Variants in SEMA4B observed in about 807,000 individuals in gnomAD.
SEMA4B encodes the protein semaphorin-4B.
A neutral mutation model predicts 88.1 loss-of-function variants in SEMA4B; 55 were observed. The observed-to-expected ratio is 0.62, with a 90% CI of 0.50 to 0.78. The LOEUF (loss-of-function observed/expected upper bound fraction) is 0.78, where lower values mean the gene tolerates loss of function less well. Ranked by LOEUF, SEMA4B falls within the 30% of genes least tolerant of loss-of-function variation. The pLI is 0.00. For synonymous variants in SEMA4B, 525 were observed against 473.6 expected, an observed-to-expected ratio of 1.11 and a Z score of -1.41; for missense variants, 1,062 against 1,111.9, an observed-to-expected ratio of 0.96 and a Z score of 0.64.
In SEMA4B at chr15:90,228,419, G is replaced by A. The variant is rs1385708232; in HGVS notation, c.2290G>A (p.Val764Met). 2 of 1,605,668 alleles carry A rather than the reference G, an allele frequency of 1.2e-6. No homozygotes were observed. The highest frequency in any genetic ancestry group is 1.7e-6 in the Non-Finnish European group (2 of 1,175,938). The change falls in exon 14 of 14, where the codon GTG becomes ATG. Residue 764 changes from valine to methionine, a missense_variant. Physicochemically the swap from Val to Met is conservative, Grantham distance 21. Coordinates refer to ENST00000411539, the MANE Select transcript of SEMA4B (RefSeq NM_198925.4). ...CGTGCACCCCAAGACCTGCCCTGTG[G>A]TGCTGCCCCCTGAGACCCGCCCACT... ...ASVHPKTCPV[V>M]LPPETRPLNG...
chr15:90,185,042 CG>C (rs1960123014), exon 1 of SEMA4B: 1 of 985,294 alleles, frequency 1.0e-6, no homozygotes, highest in Non-Finnish European at 1.2e-6. Flanking sequence ...AGCGGCCCCG[CG>C]GGGGGCGATG....
rs1961312772 is a variant in SEMA4B at position 90,212,392 on chromosome 15, C to G, written c.158-5047C>G. 2.0e-5 allele frequency among the ~76,000 whole-genome samples: 3 copies of G among 152,130 alleles called. No individual in the cohort carries two copies. Among genetic ancestry groups the G allele is most frequent in the Non-Finnish European group, 4.4e-5 (3 of 68,014 alleles). ...TGAATGGGAAAACCGGCCGCAGCCT[C>G]GGCGTGCCCTGCTTTCTTCATACTG... is the stretch of plus-strand genomic sequence containing the variant. On this transcript the variant is annotated intron_variant, in intron 1 of 13. Coordinates refer to ENST00000411539, the MANE Select transcript of SEMA4B (RefSeq NM_198925.4). The surrounding 1 kb of genome is among the most constrained non-coding windows in gnomAD (Gnocchi z 4.0).
intron 1 of SEMA4B, among the ~76,000 whole-genome samples, chr15:90,203,491 G>C (rs978975021): frequency 6.6e-6 from 1 of 152,200 alleles, no homozygotes; most frequent in African/African-American, 2.4e-5. Flanking sequence ...CTCTGGAACT[G>C]GATGGGACAA....
rs751727259 is a variant in SEMA4B, at chr15:90,220,967, TC to T, written c.484-13del. 1.3e-6 allele frequency: 2 copies of T among 1,561,638 alleles called. No homozygotes were observed. ...CCTGGAGTGCCCCTGAGCCCATGTG[TC>T]CACCCTCCTGCAGAACATGGAGAAC... On this transcript the variant is annotated splice_polypyrimidine_tract_variant and intron_variant, in intron 4 of 13. Transcript: ENST00000411539.
chr15:90,193,901 G>A (rs1960420462), intron 1 of SEMA4B, among the ~76,000 whole-genome samples: 3 of 151,600 alleles, frequency 2.0e-5, no homozygotes, highest in Admixed American at 2.0e-4. Context: ...GCCCAGGCTG[G>A]AGCACAGTGG....
chr15:90,211,262 C>T (rs1178338982), intron 1 of SEMA4B, among the ~76,000 whole-genome samples: 1 of 152,196 alleles, frequency 6.6e-6, no homozygotes. Context: ...TAGGTCGGGA[C>T]TGGGACTGCC....
Position 90,221,140 on chromosome 15 carries a change from C to T in SEMA4B, c.595+47C>T, listed in dbSNP as rs77809173. The T allele has an allele frequency of 9.0e-5, 123 of 1,364,146 alleles. 1 individual carries two copies. The East Asian group carries it at 3.0e-3, about 33-fold the overall frequency. 84.5% of individuals were successfully genotyped at this position (1,364,146 alleles called of 1,614,324 possible). On this transcript the variant is annotated intron_variant, in intron 5 of 13. Coordinates refer to ENST00000411539, the MANE Select transcript of SEMA4B (RefSeq NM_198925.4). ...GCTTCATTGAGGTTCCATGTAGGGG[C>T]ACACAGGGCTAGAGGGCTAGCTTTG...
Position 90,225,825 on chromosome 15 carries a change from C to T in SEMA4B, c.1686C>T (p.Thr562=), listed in dbSNP as rs1286130137. Residue 562 remains threonine, a splice_region_variant and synonymous_variant, in exon 12 of 14, where the codon ACC becomes ACT. Coordinates refer to ENST00000411539, the MANE Select transcript of SEMA4B (RefSeq NM_198925.4). Reference sequence around the variant, plus strand: ...GCCTCTACCAGCCTCAGCTGGCCACCAGGTGAGCACTCCCAAAGGCCCCTT... The same window carrying T: ...GCCTCTACCAGCCTCAGCTGGCCACTAGGTGAGCACTCCCAAAGGCCCCTT... ...HVSLYQPQLA[T]RPWIQDIEGA... is the part of the protein sequence containing the mutation. 3 of 1,522,398 alleles carry T rather than the reference C, an allele frequency of 2.0e-6. No homozygotes were observed. Among genetic ancestry groups the T allele is most frequent in the Admixed American group, 3.8e-5 (2 of 52,176 alleles). The allele number at this position is 1,522,398 out of a possible 1,614,324, so 94.3% of individuals were successfully genotyped here. A position where few individuals can be genotyped will look rare whatever the true frequency, so the allele number is the denominator to read the frequency against.
At chr15:90,220,605 G>A (rs1961773168) in intron 4 of SEMA4B, among the ~76,000 whole-genome samples, 1 of 151,764 alleles carries the variant, frequency 6.6e-6, no homozygotes, top group South Asian at 2.1e-4. Flanking sequence ...TCCTGACCTC[G>A]TGATCCACCC....
rs1961541863 is a variant in SEMA4B at position 90,216,561 on chromosome 15, T to C, written c.158-878T>C. 2.0e-5 allele frequency among the ~76,000 whole-genome samples: 3 copies of C among 152,144 alleles called. No individual in the cohort carries two copies. In the South Asian group the frequency reaches 6.2e-4, roughly 31 times the overall value. On this transcript the variant is annotated intron_variant, in intron 1 of 13. Coordinates refer to ENST00000411539, the MANE Select transcript of SEMA4B (RefSeq NM_198925.4). Reference sequence around the variant, plus strand: ...AGGTCAAAATTGAAAACACTCCCATTCTGTGTAATAACCATCAGTCTCAAA... The same window carrying C: ...AGGTCAAAATTGAAAACACTCCCATCCTGTGTAATAACCATCAGTCTCAAA...
chr15:90,216,304 A>G (rs776426163), intron 1 of SEMA4B, among the ~76,000 whole-genome samples: 4 of 151,874 alleles, frequency 2.6e-5, no homozygotes, highest in Non-Finnish European at 5.9e-5. Context: ...TACTTACACC[A>G]CTATTTCTTG....
At chr15:90,213,593 GGC>G (rs1961378126) in intron 1 of SEMA4B, among the ~76,000 whole-genome samples, 1 of 152,238 alleles carries the variant, frequency 6.6e-6, no homozygotes, top group Admixed American at 6.5e-5. Context: ...CCTTCTCCCA[GGC>G]GTAAGTGGGA....
upstream of SEMA4B, among the ~76,000 whole-genome samples, chr15:90,197,224 C>T (rs57843806): frequency 6.6e-6 from 1 of 151,726 alleles, no homozygotes; most frequent in Admixed American, 6.6e-5. Context: ...CCTTTCTCTA[C>T]AAAAAAATTA....
Position 90,201,472 on chromosome 15 carries a change from G to A in SEMA4B, c.-107G>A. ...CCGCCCCCCAGGTCCGGAGGCGGGG[G>A]CCCCCGGGGCGACTCGGGGGCGGAC... On this transcript the variant is annotated 5_prime_UTR_variant, in exon 1 of 14. Transcript: ENST00000411539. 7.7e-6 allele frequency: 10 copies of A among 1,306,460 alleles called. No homozygotes were observed. The highest frequency in any genetic ancestry group is 3.2e-5 in the East Asian group (1 of 31,248). 80.9% of individuals were successfully genotyped at this position (1,306,460 alleles called of 1,614,324 possible).
At position 90,229,577 on chromosome 15, in the gene SEMA4B, C is replaced by G. The variant is rs1161187069; in HGVS notation, c.*934C>G. Reference sequence around the variant, plus strand: ...ATCAACACTGCCCAGCACAGGGGCCCTGAATTTATGTGGTTTTTATACATT... The same window carrying G: ...ATCAACACTGCCCAGCACAGGGGCCGTGAATTTATGTGGTTTTTATACATT... On this transcript the variant is annotated 3_prime_UTR_variant, in exon 14 of 14. Transcript: ENST00000411539. 2 of 334,582 alleles carry G rather than the reference C, an allele frequency of 6.0e-6. No homozygotes were observed. The highest frequency in any genetic ancestry group is 4.4e-5 in the African/African-American group (2 of 45,270). 20.7% of individuals were successfully genotyped at this position (334,582 alleles called of 1,614,324 possible).
intron 1 of SEMA4B, among the ~76,000 whole-genome samples, chr15:90,213,378 A>C (rs1961365849): frequency 6.6e-6 from 1 of 152,336 alleles, no homozygotes; most frequent in African/African-American, 2.4e-5. Flanking sequence ...AGAAGGGGAA[A>C]GCCTGGTTAA....
intron 1 of SEMA4B, among the ~76,000 whole-genome samples, chr15:90,208,202 C>T (rs1055317671): frequency 2.0e-5 from 3 of 150,076 alleles, no homozygotes; most frequent in Admixed American, 6.6e-5. Flanking sequence ...TGCAGTGAGC[C>T]GAGATCATGC....
intron 1 of SEMA4B, among the ~76,000 whole-genome samples, chr15:90,188,400 G>A (rs1011382828): frequency 6.6e-6 from 1 of 151,960 alleles, no homozygotes; most frequent in Non-Finnish European, 1.5e-5. Flanking sequence ...GGCCGAGGTG[G>A]GCGGATCACC....
rs959205906 is a variant in SEMA4B, at chr15:90,212,827, T to G, written c.158-4612T>G. ...GACACGCAAGTCTCTGTTTCTGAGC[T>G]GATGCCGTCTGGCTTTGGCCATGAG... On this transcript the variant is annotated intron_variant, in intron 1 of 13. Coordinates refer to ENST00000411539, the MANE Select transcript of SEMA4B (RefSeq NM_198925.4). This position sits in a 1 kb window ranked among gnomAD's most constrained non-coding sequence, Gnocchi z 4.0. Among the ~76,000 whole-genome samples, 4 of 152,210 alleles carry G rather than the reference T, an allele frequency of 2.6e-5. No homozygotes were observed. The highest frequency in any genetic ancestry group is 5.9e-5 in the Non-Finnish European group (4 of 68,046).
Sources: gnomAD v4.1 joint callset for allele counts (sites outside exome capture counted in the v4.1 genomes callset) on GRCh38, gnomAD v4.1.1 for gene constraint, Gnocchi (gnomAD v3.1) non-coding constraint, MANE v1.5 for transcripts, NCBI Gene and HGNC (gene_info 2026-07-23, HGNC 2026-07-21) for gene names.